Variants in MAMDC4 observed in about 807,000 individuals in gnomAD.
MAMDC4 encodes MAM domain containing 4, also known as apical endosomal glycoprotein.
MAMDC4 carries 168 observed loss-of-function variants against 153.3 expected under a neutral mutation model. The ratio of observed to expected loss-of-function variants is 1.10; its 90% CI spans 0.97 to 1.25. The LOEUF (loss-of-function observed/expected upper bound fraction) is 1.25. MAMDC4 is among the 50% of genes most tolerant of loss of function. The pLI is 0.00. For missense variants in MAMDC4, 1,701 were observed against 1,542.8 expected, an observed-to-expected ratio of 1.10 and a Z score of -1.72; for synonymous variants, 744 against 651.5, an observed-to-expected ratio of 1.14 and a Z score of -2.16.
At chr9:136,856,222 G>A (rs774798800) in intron 14 of MAMDC4, 73 bp downstream of exon 14, 32 of 1,609,272 alleles carry the variant, frequency 2.0e-5, no homozygotes, top group South Asian at 7.7e-5. Context: ...GTCTGGGGCC[G>A]GGTGACCCAC....
chr9:136,860,620 C>T lies in MAMDC4; in HGVS notation c.*17C>T. ...GATCCGTAGACCACCCCAGACAAGGCCCCGCTTCCTCACGTGACATCCAGC... is the reference window on the plus strand; with the variant it reads ...GATCCGTAGACCACCCCAGACAAGGTCCCGCTTCCTCACGTGACATCCAGC... On this transcript the variant is annotated 3_prime_UTR_variant, in exon 27 of 27. Transcript: ENST00000317446. The T allele has an allele frequency of 6.2e-7, 1 of 1,613,164 alleles. No homozygotes were observed. Among genetic ancestry groups the T allele is most frequent in the Non-Finnish European group, 8.5e-7 (1 of 1,179,772 alleles).
rs1415438390 is a variant in MAMDC4 at position 136,858,224 on chromosome 9, C to G, written c.2622C>G (p.Ser874=). ...FEAVAAGVAH[S]YVALDDLLLQ... The stretch of plus-strand genomic sequence containing the variant: ...CAGTGGCCGCAGGCGTGGCACACTC[C>G]TACGTGGCTCTGGATGATCTGCTCC... Residue 874 remains serine (S), a synonymous_variant, in exon 21 of 27, where the codon TCC becomes TCG. Transcript: ENST00000317446. 6.2e-7 allele frequency: 1 copy of G among 1,600,486 alleles called. No individual in the cohort carries two copies. Among genetic ancestry groups the G allele is most frequent in the Middle Eastern group, 1.7e-4 (1 of 6,054 alleles).
chr9:136,854,623 G>A lies in MAMDC4; in HGVS notation c.881G>A (p.Gly294Asp). The A allele has an allele frequency of 6.2e-7, 1 of 1,608,064 alleles. No homozygotes were observed. The highest frequency in any genetic ancestry group is 8.5e-7 in the Non-Finnish European group (1 of 1,178,142). The part of the protein sequence containing the change: ...EGWSRNHRAG[G>D]PERPSWPRRD... ...TGGTCCCGGAACCACCGCGCTGGTG[G>A]TCCTGAGCGCCCCTCCTGGCCACGC... Residue 294 changes from glycine to aspartate, a missense_variant, in exon 8 of 27, where the codon GGT becomes GAT. By Grantham distance (94) the Gly-to-Asp change is moderately conservative. Transcript: ENST00000317446.
rs550831849 is a variant in MAMDC4 at position 136,855,280 on chromosome 9, G to C, written c.1224G>C (p.Pro408=). The C allele has an allele frequency of 3.1e-6, 5 of 1,602,304 alleles. No individual in the cohort carries two copies. Among genetic ancestry groups the C allele is most frequent in the African/African-American group, 1.3e-5 (1 of 74,786 alleles). Residue 408 remains proline (P), a synonymous_variant, in exon 11 of 27, where the codon CCG becomes CCC. Transcript: ENST00000317446. ...TCCTCCTGGCCGGGCAGACAGGCCC[G>C]GGGGGCGTCGTGGGTCTGGACGACC... ...FQILLAGQTG[P]GGVVGLDDLI...
In MAMDC4 at chr9:136,856,071, G is replaced by T. The variant is rs1161197060; in HGVS notation, c.1642G>T (p.Val548Phe). ...GGGGCAGCTAGGCGCTGAGGCCCGG[G>T]TCCTCACACCCCTCCTTGGCCCTTC... is the stretch of plus-strand genomic sequence containing the variant. ...AWGQLGAEAR[V>F]LTPLLGPSGP... is the part of the protein sequence containing the mutation. Residue 548 changes from valine (V) to phenylalanine (F), a missense_variant, in exon 14 of 27, where the codon GTC becomes TTC. By Grantham distance (50) the Val-to-Phe change is conservative (BLOSUM62 -1). Transcript: ENST00000317446. 6.2e-7 allele frequency: 1 copy of T among 1,612,330 alleles called. No homozygotes were observed. The highest frequency in any genetic ancestry group is 8.5e-7 in the Non-Finnish European group (1 of 1,179,878).
chr9:136,854,682 G>T lies in MAMDC4; in HGVS notation c.934+6G>T, dbSNP rs1337764163. 2.5e-6 allele frequency: 4 copies of T among 1,610,976 alleles called. No homozygotes were observed. In the South Asian group the frequency reaches 3.3e-5, roughly 13 times the overall value. On this transcript the variant is annotated splice_donor_region_variant and intron_variant, in intron 8 of 26. Transcript: ENST00000317446. ...CAGCCGGAACAGTGCACAGGGTGAG[G>T]CCCACAGAGGACCCGGCCCAGGCCC...
chr9:136,859,058 T>C lies in MAMDC4; in HGVS notation c.3010T>C (p.Trp1004Arg). ...LHSAQGQLAV[W>R]GAGGHRRHQW... ...CAGTGCTCAGGGCCAGCTGGCTGTG[T>C]GGGGCGCAGGCGGGCATCGGCGGCA... Residue 1004 changes from tryptophan (W) to arginine (R), a missense_variant, in exon 24 of 27, where the codon TGG (tryptophan) becomes CGG (arginine). Transcript: ENST00000317446. 1.3e-6 allele frequency: 2 copies of C among 1,556,770 alleles called. No individual in the cohort carries two copies. The highest frequency in any genetic ancestry group is 1.7e-6 in the Non-Finnish European group (2 of 1,149,936).
Position 136,855,280 on chromosome 9 carries a change from G to T in MAMDC4, c.1224G>T (p.Pro408=). 1 of 1,602,304 alleles carries T rather than the reference G, an allele frequency of 6.2e-7. No homozygotes were observed. The change falls in exon 11 of 27, where the codon CCG becomes CCT. Residue 408 remains proline, a synonymous_variant. Transcript: ENST00000317446. ...FQILLAGQTG[P]GGVVGLDDLI... The stretch of plus-strand genomic sequence containing the variant: ...TCCTCCTGGCCGGGCAGACAGGCCC[G>T]GGGGGCGTCGTGGGTCTGGACGACC...
Position 136,856,783 on chromosome 9 carries a change from G to A in MAMDC4, c.1794G>A (p.Trp598Ter). 1 of 1,611,788 alleles carries A rather than the reference G, an allele frequency of 6.2e-7. No homozygotes were observed. Among genetic ancestry groups the A allele is most frequent in the Non-Finnish European group, 8.5e-7 (1 of 1,179,504 alleles). ...PGHLSDTHWR[W>*]VESRGPDHDH... ...ACCTCTCAGACACACACTGGCGCTG[G>A]GTGGAGAGCCGCGGCCCTGACCACG... is the stretch of plus-strand genomic sequence containing the variant. Residue 598 changes from tryptophan to a stop codon, truncating the protein, a stop_gained, in exon 15 of 27, where the codon TGG becomes TGA. Transcript: ENST00000317446. LOFTEE classifies it high-confidence loss of function.
chr9:136,860,015 G>C lies in MAMDC4; in HGVS notation c.3323G>C (p.Ser1108Thr). 1 of 1,609,816 alleles carries C rather than the reference G, an allele frequency of 6.2e-7. No individual in the cohort carries two copies. ...LQKKGSCPFQ[S>T]NTEATAPGFD... The stretch of plus-strand genomic sequence containing the variant: ...AAGAAGGGGAGCTGCCCCTTCCAGA[G>C]CAACACAGAGGCCACAGCCCCTGGC... The change falls in exon 26 of 27, where the codon AGC becomes ACC. Residue 1108 changes from serine (S) to threonine (T), a missense_variant. By Grantham distance (58) the Ser-to-Thr change is moderately conservative. Coordinates refer to ENST00000317446, the MANE Select transcript of MAMDC4 (RefSeq NM_206920.3).
At position 136,858,791 on chromosome 9, in the gene MAMDC4, T is replaced by C. The variant is rs1466216008; in HGVS notation, c.2894T>C (p.Leu965Pro). The change falls in exon 23 of 27, where the codon CTG becomes CCG. Residue 965 changes from leucine to proline, a missense_variant. Leu to Pro is a moderately conservative substitution (Grantham distance 98). Coordinates refer to ENST00000317446, the MANE Select transcript of MAMDC4 (RefSeq NM_206920.3). ...GCCGCCTGGCTGCGCAGCGAGCCTC[T>C]GCCGGCCACCCCAGCCTCCTGCCTC... Reference protein sequence around the residue: ...GRAAWLRSEPLPATPASCLRF... With the variant: ...GRAAWLRSEPPPATPASCLRF... 1 of 1,610,684 alleles carries C rather than the reference T, an allele frequency of 6.2e-7. No homozygotes were observed. Among genetic ancestry groups the C allele is most frequent in the Non-Finnish European group, 8.5e-7 (1 of 1,178,940 alleles).
rs754609421 is a variant in MAMDC4, at chr9:136,853,844, G to A, written c.522G>A (p.Gly174=). Residue 174 remains glycine, a synonymous_variant, in exon 5 of 27, where the codon GGG becomes GGA. Coordinates refer to ENST00000317446, the MANE Select transcript of MAMDC4 (RefSeq NM_206920.3). ...AETLTLWQST[G]PWGPGWQELA... is the part of the protein sequence containing the mutation. ...CCCTGACCCTGTGGCAGAGCACAGG[G>A]CCCTGGGGCCCTGGCTGGCAGGAGT... 3.8e-6 allele frequency: 6 copies of A among 1,560,816 alleles called. No homozygotes were observed. Among genetic ancestry groups the A allele is most frequent in the Non-Finnish European group, 5.3e-6 (6 of 1,134,958 alleles).
chr9:136,855,163 G>A, intron 10 of MAMDC4, 53 bp downstream of exon 10: 2 of 1,568,204 alleles, frequency 1.3e-6, no homozygotes, highest in Non-Finnish European at 1.7e-6. Flanking sequence ...GGGCAGGGGA[G>A]GGGAACCCAC....
In MAMDC4 at chr9:136,857,472, G is replaced by A. The variant is rs1849023054; in HGVS notation, c.2212G>A (p.Asp738Asn). ...CWAPNYCSFE[D>N]SDCGFSPGGQ... ...GGCCCCTAATTACTGCTCCTTTGAGGACTCAGACTGCGGCTTCTCCCCTGG... is the reference window on the plus strand; with the variant it reads ...GGCCCCTAATTACTGCTCCTTTGAGAACTCAGACTGCGGCTTCTCCCCTGG... Residue 738 changes from aspartate to asparagine, a missense_variant, in exon 18 of 27, where the codon GAC (aspartate) becomes AAC (asparagine). By Grantham distance (23) the Asp-to-Asn change is conservative (BLOSUM62 1). Transcript: ENST00000317446. The A allele has an allele frequency of 6.2e-7, 1 of 1,609,220 alleles. No individual in the cohort carries two copies. Among genetic ancestry groups the A allele is most frequent in the African/African-American group, 1.3e-5 (1 of 75,060 alleles).
At position 136,858,551 on chromosome 9, in the gene MAMDC4, G is replaced by C; in HGVS notation, c.2821+5G>C. On this transcript the variant is annotated splice_donor_5th_base_variant and intron_variant, in intron 22 of 26. Transcript: ENST00000317446. ...ACACCCTGGGCACAGAGGCAGGTAC[G>C]TGCCCACTGGAGCCAGGTGGGGAGG... 1 of 1,566,890 alleles carries C rather than the reference G, an allele frequency of 6.4e-7. No homozygotes were observed. The highest frequency in any genetic ancestry group is 8.6e-7 in the Non-Finnish European group (1 of 1,157,098).
At position 136,855,113 on chromosome 9, in the gene MAMDC4, A is replaced by G; in HGVS notation, c.1197+3A>G. On this transcript the variant is annotated splice_donor_region_variant and intron_variant, in intron 10 of 26. Coordinates refer to ENST00000317446, the MANE Select transcript of MAMDC4 (RefSeq NM_206920.3). ...TCCAGAGCGCCTACCCCTTCCAGGT[A>G]GGGAACAGCAAGAGGGTGGGGTCTG... 1 of 1,569,632 alleles carries G rather than the reference A, an allele frequency of 6.4e-7. No individual in the cohort carries two copies. Among genetic ancestry groups the G allele is most frequent in the Non-Finnish European group, 8.6e-7 (1 of 1,157,772 alleles).
Position 136,860,040 on chromosome 9 carries a change from C to T in MAMDC4, c.3348C>T (p.Gly1116=). 1 of 1,598,348 alleles carries T rather than the reference C, an allele frequency of 6.3e-7. No homozygotes were observed. Among genetic ancestry groups the T allele is most frequent in the Non-Finnish European group, 8.5e-7 (1 of 1,172,708 alleles). The change falls in exon 26 of 27, where the codon GGC becomes GGT. Residue 1116 remains glycine, a synonymous_variant. Transcript: ENST00000317446. ...FQSNTEATAP[G]FDNILFNADG... is the part of the protein sequence containing the mutation. Reference sequence around the variant, plus strand: ...GCAACACAGAGGCCACAGCCCCTGGCTTTGACAACATCCTTTTCAATGCGG... The same window carrying T: ...GCAACACAGAGGCCACAGCCCCTGGTTTTGACAACATCCTTTTCAATGCGG...
At chr9:136,860,448 G>A (rs1036283580) in intron 26 of MAMDC4, 114 bp from the exon 27 acceptor site, 14 of 1,119,968 alleles carry the variant, frequency 1.3e-5, no homozygotes, top group Admixed American at 2.1e-5. Context: ...TTGAACCAGG[G>A]AGGCAGGGGT....
intron 9 of MAMDC4, 30 bp from the exon 10 acceptor site, chr9:136,854,907 C>T: frequency 2.5e-6 from 4 of 1,612,492 alleles, no homozygotes; most frequent in Non-Finnish European, 3.4e-6. Context: ...TGCCCCGGTG[C>T]AGGCCCCCAG....
Sources: gnomAD v4.1 joint callset for allele counts on GRCh38, gnomAD v4.1.1 for gene constraint, MANE v1.5 for transcripts, NCBI Gene and HGNC (gene_info 2026-07-23, HGNC 2026-07-21) for gene names.